Variants in MAPK10 observed in about 807,000 individuals in gnomAD.
MAPK10 encodes the protein JNK3 alpha protein kinase.
In MAPK10, 25 loss-of-function variants were observed where a neutral mutation model predicts 59.3. The ratio of observed to expected loss-of-function variants is 0.42; its 90% CI spans 0.31 to 0.59. The LOEUF is 0.59. Among genes scored for constraint, MAPK10 ranks in the 20% least tolerant of loss-of-function variants. The pLI is 0.15. For missense variants in MAPK10, 351 were observed against 568.9 expected (o/e 0.62, Z 3.90); for synonymous variants, 190 against 200.5 (o/e 0.95, Z 0.44).
intron 1 of MAPK10, among the ~76,000 whole-genome samples, chr4:86,496,680 C>T (rs1009891255): frequency 6.6e-6 from 1 of 152,090 alleles, no homozygotes; most frequent in Non-Finnish European, 1.5e-5. Context: ...AACTCCCTTA[C>T]AAATTACAAT....
upstream of MAPK10, among the ~76,000 whole-genome samples, chr4:86,457,377 G>T (rs1751328774): frequency 6.6e-6 from 1 of 152,152 alleles, no homozygotes; most frequent in Non-Finnish European, 1.5e-5. Flanking sequence ...GTCACTGTTT[G>T]CTGATGATGT....
At position 86,421,116 on chromosome 4, in the gene MAPK10, C is replaced by G. The variant is rs539474218; in HGVS notation, c.-122+31914G>C. On this transcript the variant is annotated intron_variant, in intron 1 of 13. Transcript: ENST00000361569. The stretch of plus-strand genomic sequence containing the variant: ...AAAAAAAAATTTACATATACAAAGT[C>G]TACTTTTGAATGACATAATCGTGTG... 1.9e-4 allele frequency among the ~76,000 whole-genome samples: 29 copies of G among 152,022 alleles called. No individual in the cohort carries two copies. In the Middle Eastern group the frequency reaches 0.01, roughly 54 times the overall value.
chr4:86,210,907 G>C (rs1466328064), intron 2 of MAPK10, among the ~76,000 whole-genome samples: 1 of 151,270 alleles, frequency 6.6e-6, no homozygotes, highest in Non-Finnish European at 1.5e-5. Context: ...GGAAAAAAAA[G>C]AAATTCTAGA....
intron 1 of MAPK10, among the ~76,000 whole-genome samples, chr4:86,501,632 A>C (rs142909251): frequency 6.6e-6 from 1 of 152,026 alleles, no homozygotes; most frequent in African/African-American, 2.4e-5. Context: ...AAGAGAAGTA[A>C]TAGTCTTAAA....
chr4:86,571,909 T>C (rs554170271), intron 1 of MAPK10, among the ~76,000 whole-genome samples: 1 of 152,254 alleles, frequency 6.6e-6, no homozygotes, highest in East Asian at 1.9e-4. Context: ...CCTTGGTCTT[T>C]TTTTCAGTTT....
chr4:86,417,679 T>G (rs1746022758), intron 1 of MAPK10, among the ~76,000 whole-genome samples: 1 of 152,140 alleles, frequency 6.6e-6, no homozygotes, highest in Admixed American at 6.6e-5. Flanking sequence ...CTTACTCATA[T>G]TTAAACAAAT....
chr4:86,469,693 G>T (rs1480649075), intron 1 of MAPK10, among the ~76,000 whole-genome samples: 3 of 152,136 alleles, frequency 2.0e-5, no homozygotes, highest in Non-Finnish European at 4.4e-5. Flanking sequence ...GGGGGCAAAA[G>T]CTGAAACCAT....
chr4:86,501,919 CA>C (rs965125023), intron 1 of MAPK10, among the ~76,000 whole-genome samples: 6 of 151,790 alleles, frequency 4.0e-5, no homozygotes, highest in Non-Finnish European at 7.4e-5. Context: ...ATAATTGTCC[CA>C]AAAAAGCACA....
At chr4:86,133,534 C>T (rs939385972) in intron 4 of MAPK10, among the ~76,000 whole-genome samples, 1 of 152,234 alleles carries the variant, frequency 6.6e-6, no homozygotes, top group Non-Finnish European at 1.5e-5. Flanking sequence ...ACAGCCAAAA[C>T]AGTTTACAGG....
At chr4:86,219,622 A>G (rs565807828) in intron 2 of MAPK10, among the ~76,000 whole-genome samples, 1 of 152,270 alleles carries the variant, frequency 6.6e-6, no homozygotes, top group African/African-American at 2.4e-5. Flanking sequence ...AAATAATTAA[A>G]AAGGCTGTCA....
intron 11 of MAPK10, among the ~76,000 whole-genome samples, chr4:86,035,001 A>AAC (rs1372633690): frequency 6.6e-6 from 1 of 152,138 alleles, no homozygotes; most frequent in Non-Finnish European, 1.5e-5. Flanking sequence ...AGTAAAATAA[A>AAC]ACATGTCGTC....
chr4:86,573,177 C>T (rs1761597881), intron 1 of MAPK10, among the ~76,000 whole-genome samples: 1 of 152,014 alleles, frequency 6.6e-6, no homozygotes, highest in Admixed American at 6.6e-5. Context: ...ATAGTTGATG[C>T]TTTTTATGTC....
chr4:86,397,036 C>T (rs1240951713), intron 1 of MAPK10, among the ~76,000 whole-genome samples: 1 of 151,444 alleles, frequency 6.6e-6, no homozygotes, highest in African/African-American at 2.4e-5. Flanking sequence ...ACCTTGTGGC[C>T]CACATTATAT....
chr4:86,187,357 C>T (rs7668374), intron 3 of MAPK10, among the ~76,000 whole-genome samples: 49,341 of 152,082 alleles, frequency 0.32, 11,032 homozygotes, highest in African/African-American at 0.64. Context: ...ATGGTTGTTA[C>T]GTAATTCACT....
intron 1 of MAPK10, among the ~76,000 whole-genome samples, chr4:86,378,741 T>C (rs1368434030): frequency 6.6e-6 from 1 of 152,212 alleles, no homozygotes; most frequent in Non-Finnish European, 1.5e-5. Flanking sequence ...GGTACTGCTT[T>C]TGTACCTGGC....
intron 3 of MAPK10, among the ~76,000 whole-genome samples, chr4:86,166,928 G>T (rs1406129227): frequency 1.3e-5 from 2 of 152,020 alleles, no homozygotes; most frequent in African/African-American, 2.4e-5. Context: ...AAAAATCAAT[G>T]AATCCAGGAG....
chr4:86,546,993 T>C lies in MAPK10; in HGVS notation c.-263+46917A>G, dbSNP rs1467896935. 5.3e-5 allele frequency among the ~76,000 whole-genome samples: 8 copies of C among 151,614 alleles called. No individual in the cohort carries two copies. The South Asian group carries it at 6.3e-4, about 12-fold the overall frequency. ...ACCGTGTGAACCCGGAAGGTGGAGC[T>C]TGCAGCCGAGATTGCGCCACTGCAC... On this transcript the variant is annotated intron_variant, in intron 1 of 4. Transcript: ENST00000502302.
At chr4:86,114,301 C>A (rs765429634) in intron 4 of MAPK10, among the ~76,000 whole-genome samples, 1 of 152,180 alleles carries the variant, frequency 6.6e-6, no homozygotes, top group Non-Finnish European at 1.5e-5. Context: ...GGGACTCTGG[C>A]TTTTTGAGTT....
intron 3 of MAPK10, among the ~76,000 whole-genome samples, chr4:86,178,417 C>A (rs2076167269): frequency 2.0e-5 from 3 of 151,878 alleles, no homozygotes; most frequent in African/African-American, 7.3e-5. Context: ...ATAAGCCTAA[C>A]TACTCCCTAC....
Sources: gnomAD v4.1 joint callset for allele counts (sites outside exome capture counted in the v4.1 genomes callset) on GRCh38, gnomAD v4.1.1 for gene constraint, MANE v1.5 for transcripts, NCBI Gene and HGNC (gene_info 2026-07-23, HGNC 2026-07-21) for gene names.